The following PSMA1 variants were observed in gnomAD, a reference collection of about 807,000 sequenced individuals.
PSMA1 encodes the protein proteasome subunit alpha type-1.
A neutral mutation model predicts 38.4 loss-of-function variants in PSMA1; 3 were observed. The observed-to-expected ratio is 0.08, with a 90% confidence interval of 0.04 to 0.20. PSMA1 has a LOEUF of 0.20. PSMA1 is among the 10% of genes least tolerant of loss of function. The pLI is 1.00. For synonymous variants in PSMA1, 101 were observed against 107.1 expected, an observed-to-expected ratio of 0.94 and a Z score of 0.35; for missense variants, 227 against 325.3, an observed-to-expected ratio of 0.70 and a Z score of 2.32.
intron 2 of PSMA1, among the ~76,000 whole-genome samples, chr11:14,537,176 G>A (rs1050666541): frequency 6.6e-6 from 1 of 152,148 alleles, no homozygotes; most frequent in Non-Finnish European, 1.5e-5. Context: ...TAAAACTAAT[G>A]TTTTCTAGAA....
intron 2 of PSMA1, among the ~76,000 whole-genome samples, chr11:14,558,172 G>A (rs948970320): frequency 4.0e-5 from 6 of 151,080 alleles, no homozygotes; most frequent in Non-Finnish European, 5.9e-5. Context: ...CAGCACTCAG[G>A]GAGGCCACGG....
At chr11:14,628,542 A>G (rs940126039) in intron 1 of PSMA1, among the ~76,000 whole-genome samples, 2 of 150,510 alleles carry the variant, frequency 1.3e-5, no homozygotes, top group African/African-American at 4.9e-5. Context: ...TATATGTGCC[A>G]CATTTTCTTC....
intron 2 of PSMA1, among the ~76,000 whole-genome samples, chr11:14,583,513 G>A (rs1589999331): frequency 6.6e-6 from 1 of 152,176 alleles, no homozygotes; most frequent in East Asian, 1.9e-4. Flanking sequence ...GCCACTCTCA[G>A]CACATCCCCA....
Position 14,614,957 on chromosome 11 carries a change from C to T in PSMA1, c.-165-3806G>A, listed in dbSNP as rs548747547. Among the ~76,000 whole-genome samples, 4 of 152,264 alleles carry T rather than the reference C, an allele frequency of 2.6e-5. No individual in the cohort carries two copies. In the South Asian group the frequency reaches 6.2e-4, roughly 24 times the overall value. ...AGCGGATCCTCATTAACTACAGGAT[C>T]GAGTCCAGTCATTTTAGCATGGCAC... On this transcript the variant is annotated intron_variant, in intron 1 of 10. Coordinates refer to the PSMA1 transcript ENST00000418988.
At chr11:14,563,932 T>A (rs1852039114) in intron 2 of PSMA1, among the ~76,000 whole-genome samples, 1 of 152,238 alleles carries the variant, frequency 6.6e-6, no homozygotes, top group South Asian at 2.1e-4. Flanking sequence ...TCTTCTCCCA[T>A]GAAACAACCA....
chr11:14,562,871 T>G (rs567149140), intron 2 of PSMA1, among the ~76,000 whole-genome samples: 1 of 152,304 alleles, frequency 6.6e-6, no homozygotes, highest in South Asian at 2.1e-4. Context: ...CGGGCCTGGC[T>G]GTATTCATGA....
chr11:14,605,430 T>G (rs1199457039), intron 2 of PSMA1, among the ~76,000 whole-genome samples: 1 of 152,072 alleles, frequency 6.6e-6, no homozygotes, highest in African/African-American at 2.4e-5. Flanking sequence ...GTCACCCAGG[T>G]TGGAATACAA....
chr11:14,557,866 AC>A (rs1174119520), intron 2 of PSMA1, among the ~76,000 whole-genome samples: 1 of 151,980 alleles, frequency 6.6e-6, no homozygotes, highest in Non-Finnish European at 1.5e-5. Flanking sequence ...TTTTCTTTCT[AC>A]CTACACCCCA....
At chr11:14,515,592 T>C (rs180892148) in intron 4 of PSMA1, among the ~76,000 whole-genome samples, 4 of 151,856 alleles carry the variant, frequency 2.6e-5, no homozygotes, top group African/African-American at 9.7e-5. Flanking sequence ...TCGCTCTTGT[T>C]GCCCAGGCTG....
At chr11:14,512,898 ATCCT>A (rs1455900187) in intron 7 of PSMA1, among the ~76,000 whole-genome samples, 3 of 152,216 alleles carry the variant, frequency 2.0e-5, no homozygotes, top group African/African-American at 7.2e-5. Flanking sequence ...TGTCCAAGGA[ATCCT>A]CTTTTCCCAA....
intron 2 of PSMA1, among the ~76,000 whole-genome samples, chr11:14,591,299 G>A (rs951220954): frequency 4.6e-5 from 7 of 152,216 alleles, no homozygotes; most frequent in Admixed American, 6.5e-5. Flanking sequence ...CTGGCTTCCC[G>A]AGGGGCAGGG....
chr11:14,574,772 T>C (rs1024964479), intron 2 of PSMA1, among the ~76,000 whole-genome samples: 2 of 152,210 alleles, frequency 1.3e-5, no homozygotes, highest in Non-Finnish European at 2.9e-5. Context: ...TCCTTAGCCA[T>C]GCAGAACTGT....
intron 1 of PSMA1, among the ~76,000 whole-genome samples, chr11:14,615,516 C>G (rs969187034): frequency 4.6e-5 from 7 of 152,210 alleles, no homozygotes; most frequent in Non-Finnish European, 1.0e-4. Context: ...AAACAGAGTT[C>G]CTGTGAGGTA....
intron 7 of PSMA1, among the ~76,000 whole-genome samples, chr11:14,512,646 C>T (rs988945213): frequency 1.3e-5 from 2 of 152,256 alleles, no homozygotes; most frequent in East Asian, 1.9e-4. Context: ...CTCTGTGACT[C>T]CTTATGGGAA....
At position 14,534,137 on chromosome 11, in the gene PSMA1, T is replaced by G. The variant is rs758186368; in HGVS notation, c.22-15096A>C. On this transcript the variant is annotated intron_variant, in intron 2 of 10. Coordinates refer to the PSMA1 transcript ENST00000418988. The surrounding 1 kb of genome is among the most constrained non-coding windows in gnomAD (Gnocchi z 4.5). ...TGGAGGTTGCAGTGAGCCGAAATTGTGCCACTGCACTCCAGACTGGGCAAC... is the reference window on the plus strand; with the variant it reads ...TGGAGGTTGCAGTGAGCCGAAATTGGGCCACTGCACTCCAGACTGGGCAAC... Among the ~76,000 whole-genome samples the G allele has an allele frequency of 6.6e-6, 1 of 152,184 alleles. No homozygotes were observed. The highest frequency in any genetic ancestry group is 1.9e-4 in the East Asian group (1 of 5,170).
chr11:14,505,593 T>TG (rs1009798046), intron 9 of PSMA1, among the ~76,000 whole-genome samples: 29 of 152,132 alleles, frequency 1.9e-4, no homozygotes, highest in East Asian at 1.2e-3. Context: ...TGAAGCTTTT[T>TG]TTTGTTTGTT....
rs549450041 is a variant in PSMA1, at chr11:14,574,557, C to T, written c.21+36409G>A. Among the ~76,000 whole-genome samples the T allele has an allele frequency of 2.0e-5, 3 of 152,244 alleles. No homozygotes were observed. In the South Asian group the frequency reaches 6.2e-4, roughly 32 times the overall value. On this transcript the variant is annotated intron_variant, in intron 2 of 10. Coordinates refer to the PSMA1 transcript ENST00000418988. ...CATCTTGAATGGTAGTTCCCATAAT[C>T]CCCATGTGTTGTGGGAGAGACCCAG...
chr11:14,535,605 G>A (rs931327877), intron 2 of PSMA1, among the ~76,000 whole-genome samples: 8 of 151,798 alleles, frequency 5.3e-5, no homozygotes, highest in African/African-American at 1.7e-4. Context: ...CACCACACCC[G>A]GCTAATTTTT....
Position 14,626,135 on chromosome 11 carries a change from C to CTTT in PSMA1, c.-165-14987_-165-14985dup, listed in dbSNP as rs375741630. On this transcript the variant is annotated intron_variant, in intron 1 of 10. Transcript: ENST00000418988. ...TCCTCTATCTCTAACTGTTCTTTCA[C>CTTT]TTTTTTTTTTTCCCTATTTACAGTT... 4.6e-3 allele frequency among the ~76,000 whole-genome samples: 658 copies of CTTT among 142,148 alleles called. 5 individuals are homozygous for CTTT. The highest frequency in any genetic ancestry group is 0.018 in the Middle Eastern group (5 of 282). 93.3% of individuals were successfully genotyped at this position (142,148 alleles called of 152,430 possible).
Sources: allele counts gnomAD v4.1 joint callset (sites outside exome capture counted in the v4.1 genomes callset), GRCh38; gene constraint gnomAD v4.1.1; non-coding constraint Gnocchi (gnomAD v3.1); transcripts MANE v1.5; gene names NCBI Gene and HGNC (gene_info 2026-07-23, HGNC 2026-07-21).